The following IMMP2L variants were observed in gnomAD, a reference collection of about 807,000 sequenced individuals.
The protein encoded by IMMP2L is inner mitochondrial membrane peptidase subunit 2, also known as mitochondrial inner membrane protease subunit 2.
IMMP2L carries 18 observed loss-of-function variants against 19.3 expected under a neutral mutation model. The observed-to-expected ratio is 0.93, with a 90% CI of 0.64 to 1.38. The LOEUF (loss-of-function observed/expected upper bound fraction) is 1.38, where lower values mean the gene tolerates loss of function less well. Ranked by LOEUF, IMMP2L falls within the 40% of genes most tolerant of loss-of-function variation. The pLI, the probability that IMMP2L is intolerant of heterozygous loss-of-function variation, is 0.00. For synonymous variants in IMMP2L, 76 were observed against 73.0 expected, an observed-to-expected ratio of 1.04 and a Z score of -0.21; for missense variants, 233 against 218.2, an observed-to-expected ratio of 1.07 and a Z score of -0.43.
chr7:111,555,715 A>G (rs1389788524), intron 1 of IMMP2L, among the ~76,000 whole-genome samples: 1 of 151,966 alleles, frequency 6.6e-6, no homozygotes, highest in Non-Finnish European at 1.5e-5. Flanking sequence ...TCTTATGGCA[A>G]AAAGCAGAAT....
intron 3 of IMMP2L, among the ~76,000 whole-genome samples, chr7:111,275,631 T>C (rs1818944053): frequency 1.3e-5 from 2 of 152,204 alleles, no homozygotes; most frequent in Admixed American, 1.3e-4. Context: ...TTATAGGGAT[T>C]GCACTGAATC....
intron 3 of IMMP2L, among the ~76,000 whole-genome samples, chr7:110,971,746 T>C (rs116944472): frequency 0.014 from 2,191 of 152,246 alleles, 25 homozygotes; most frequent in Admixed American, 0.036. Context: ...GCATACCTGA[T>C]ATTTATGGCC....
intron 3 of IMMP2L, among the ~76,000 whole-genome samples, chr7:110,989,057 G>C (rs1003161873): frequency 6.6e-6 from 1 of 152,076 alleles, no homozygotes; most frequent in African/African-American, 2.4e-5. Flanking sequence ...CCAACATGGA[G>C]AAACCTCATC....
At chr7:110,976,958 G>A (rs1189591924) in intron 3 of IMMP2L, among the ~76,000 whole-genome samples, 5 of 151,774 alleles carry the variant, frequency 3.3e-5, no homozygotes, top group Non-Finnish European at 5.9e-5. Flanking sequence ...TATAAACCTG[G>A]AATTGAATCT....
chr7:111,268,346 A>C (rs1043854522), intron 3 of IMMP2L, among the ~76,000 whole-genome samples: 1 of 151,884 alleles, frequency 6.6e-6, no homozygotes, highest in Non-Finnish European at 1.5e-5. Context: ...GGGAGGCAGG[A>C]GTTGTCTTAA....
At chr7:111,423,413 G>C (rs898820893) in intron 3 of IMMP2L, among the ~76,000 whole-genome samples, 2 of 151,764 alleles carry the variant, frequency 1.3e-5, no homozygotes, top group African/African-American at 2.4e-5. Context: ...GGTCTATTTA[G>C]AGATTCAACT....
At chr7:111,326,415 C>T (rs1402396232) in intron 3 of IMMP2L, among the ~76,000 whole-genome samples, 1 of 151,776 alleles carries the variant, frequency 6.6e-6, no homozygotes, top group Non-Finnish European at 1.5e-5. Flanking sequence ...AAATTATGGG[C>T]ATGCATTCTC....
intron 4 of IMMP2L, among the ~76,000 whole-genome samples, chr7:110,892,899 C>T (rs1044259012): frequency 1.3e-5 from 2 of 152,104 alleles, no homozygotes; most frequent in Non-Finnish European, 2.9e-5. Flanking sequence ...AACGTTTCTT[C>T]ATGTCTCTCT....
intron 5 of IMMP2L, among the ~76,000 whole-genome samples, chr7:110,795,546 T>C (rs1950004): frequency 0.51 from 76,671 of 151,746 alleles, 19,704 homozygotes; most frequent in African/African-American, 0.58. Flanking sequence ...AACAACCAAC[T>C]CAAGCATAAG....
intron 4 of IMMP2L, among the ~76,000 whole-genome samples, chr7:110,956,669 G>C (rs1257248467): frequency 6.6e-6 from 1 of 151,704 alleles, no homozygotes; most frequent in Admixed American, 6.6e-5. Flanking sequence ...TTCTTCACTA[G>C]GGACTAAAAA....
At chr7:111,502,953 C>G (rs1448426353) in intron 2 of IMMP2L, among the ~76,000 whole-genome samples, 5 of 148,972 alleles carry the variant, frequency 3.4e-5, no homozygotes, top group Non-Finnish European at 7.5e-5. Context: ...TAGCAGAAGG[C>G]AAGAAATAAC....
At chr7:111,337,930 A>G (rs1056969122) in intron 3 of IMMP2L, among the ~76,000 whole-genome samples, 5 of 151,910 alleles carry the variant, frequency 3.3e-5, no homozygotes, top group Non-Finnish European at 4.4e-5. Context: ...GAGGTTTACC[A>G]GAGATACAAA....
At chr7:110,746,653 C>T (rs1331892234) in intron 5 of IMMP2L, among the ~76,000 whole-genome samples, 1 of 152,188 alleles carries the variant, frequency 6.6e-6, no homozygotes, top group Non-Finnish European at 1.5e-5. Flanking sequence ...TGAATGACTA[C>T]TGGGTACATA....
intron 3 of IMMP2L, among the ~76,000 whole-genome samples, chr7:111,115,118 T>C (rs1799720560): frequency 6.6e-6 from 1 of 152,114 alleles, no homozygotes; most frequent in Non-Finnish European, 1.5e-5. Flanking sequence ...TGGGACCATA[T>C]AAATGCTAAA....
intron 3 of IMMP2L, among the ~76,000 whole-genome samples, chr7:111,001,378 T>A (rs1823668077): frequency 6.6e-6 from 1 of 152,190 alleles, no homozygotes; most frequent in Admixed American, 6.5e-5. Context: ...TATATTATTG[T>A]ATTCAATCAT....
chr7:110,706,511 C>G (rs895331499), intron 5 of IMMP2L, among the ~76,000 whole-genome samples: 4 of 152,146 alleles, frequency 2.6e-5, no homozygotes, highest in African/African-American at 9.7e-5. Flanking sequence ...TGCAGCCTCA[C>G]CAGCATCTGT....
At position 110,781,229 on chromosome 7, in the gene IMMP2L, A is replaced by C. The variant is rs559316638; in HGVS notation, c.408+105364T>G. On this transcript the variant is annotated intron_variant, in intron 5 of 5. Transcript: ENST00000405709. ...GGTATAAAAATCATCCATTTATTAAATTGGGAGTTGAAGAAAGGTGTTCCT... is the reference window on the plus strand; with the variant it reads ...GGTATAAAAATCATCCATTTATTAACTTGGGAGTTGAAGAAAGGTGTTCCT... Among the ~76,000 whole-genome samples, 125 of 152,030 alleles carry C rather than the reference A, an allele frequency of 8.2e-4. 1 individual carries two copies. The highest frequency in any genetic ancestry group is 2.5e-3 in the East Asian group (13 of 5,138).
intron 3 of IMMP2L, among the ~76,000 whole-genome samples, chr7:111,210,544 A>G (rs1020801795): frequency 2.6e-4 from 40 of 152,268 alleles, no homozygotes; most frequent in Non-Finnish European, 4.9e-4. Flanking sequence ...ACCATTGGAA[A>G]GAAATATTTC....
intron 3 of IMMP2L, among the ~76,000 whole-genome samples, chr7:111,443,806 T>C (rs1292336335): frequency 6.6e-6 from 1 of 151,972 alleles, no homozygotes; most frequent in East Asian, 1.9e-4. Flanking sequence ...GTATTTTCAA[T>C]TTTTTTTCTC....
Sources: allele counts gnomAD v4.1 joint callset (sites outside exome capture counted in the v4.1 genomes callset), GRCh38; gene constraint gnomAD v4.1.1; transcripts MANE v1.5; gene names NCBI Gene and HGNC (gene_info 2026-07-23, HGNC 2026-07-21).